ERC2: variants seen among roughly 807,000 people sequenced by gnomAD.
ERC2 encodes the protein ELKS/RAB6-interacting/CAST family member 2, also known as ERC protein 2.
ERC2 carries 42 observed loss-of-function variants against 114.8 expected under a neutral mutation model. The ratio of observed to expected loss-of-function variants is 0.37; its 90% confidence interval spans 0.29 to 0.47. ERC2 has a LOEUF of 0.47. Among genes scored for constraint, ERC2 ranks in the 20% least tolerant of loss-of-function variants. The pLI, the probability that ERC2 is intolerant of heterozygous loss-of-function variation, is 0.99. For synonymous variants in ERC2, 454 were observed against 425.5 expected (o/e 1.07, Z -0.82); for missense variants, 939 against 1,150.7 (o/e 0.82, Z 2.66).
chr3:55,527,788 A>G (rs746810603), intron 17 of ERC2, among the ~76,000 whole-genome samples: 4 of 152,120 alleles, frequency 2.6e-5, no homozygotes, highest in Admixed American at 6.5e-5. Context: ...AGAGCTAAAA[A>G]CTATAGGATG....
intron 2 of ERC2, among the ~76,000 whole-genome samples, chr3:56,409,727 A>T (rs1458504244): frequency 6.6e-6 from 1 of 152,240 alleles, no homozygotes; most frequent in Non-Finnish European, 1.5e-5. Flanking sequence ...TACAGCCCCT[A>T]GTGACCCCGT....
chr3:55,881,308 A>G (rs2063109997), intron 14 of ERC2, among the ~76,000 whole-genome samples: 1 of 152,150 alleles, frequency 6.6e-6, no homozygotes, highest in South Asian at 2.1e-4. Context: ...AATCCAGTGT[A>G]TACAAAGACT....
At chr3:55,947,253 C>T (rs2067181054) in intron 13 of ERC2, among the ~76,000 whole-genome samples, 1 of 149,472 alleles carries the variant, frequency 6.7e-6, no homozygotes, top group Admixed American at 6.7e-5. Context: ...CCTATAGCTC[C>T]CCACCACCCT....
chr3:55,546,062 G>A (rs1380171562), intron 17 of ERC2, among the ~76,000 whole-genome samples: 2 of 152,240 alleles, frequency 1.3e-5, no homozygotes, highest in Non-Finnish European at 2.9e-5. Flanking sequence ...GCATCATCCT[G>A]ACCTATGCAG....
At chr3:55,840,373 A>G (rs1296130521) in intron 14 of ERC2, among the ~76,000 whole-genome samples, 1 of 151,960 alleles carries the variant, frequency 6.6e-6, no homozygotes, top group Non-Finnish European at 1.5e-5. Context: ...CACATGAAAA[A>G]ATGTTCAAGT....
At chr3:55,661,960 A>T (rs925817137) in intron 17 of ERC2, among the ~76,000 whole-genome samples, 2 of 152,192 alleles carry the variant, frequency 1.3e-5, no homozygotes, top group African/African-American at 4.8e-5. Flanking sequence ...AATAAAGTCC[A>T]TACCATTTTA....
Position 56,136,010 on chromosome 3 carries a change from G to A in ERC2, c.1473+3499C>T, listed in dbSNP as rs868810936. On this transcript the variant is annotated intron_variant, in intron 6 of 17. Transcript: ENST00000288221. ...AATGTTATGTTAAGAGCTATGTGGT[G>A]TATCTCTCTGTGTATGTAATTATTA... Among the ~76,000 whole-genome samples, 29 of 152,304 alleles carry A rather than the reference G, an allele frequency of 1.9e-4. No individual in the cohort carries two copies. The Middle Eastern group carries it at 0.014, about 71-fold the overall frequency.
chr3:55,596,028 G>C (rs2058110147), intron 17 of ERC2, among the ~76,000 whole-genome samples: 1 of 152,190 alleles, frequency 6.6e-6, no homozygotes, highest in African/African-American at 2.4e-5. Flanking sequence ...TCCATTAAAA[G>C]CTTCTGAGTT....
At chr3:55,825,146 T>C (rs1226685895) in intron 14 of ERC2, among the ~76,000 whole-genome samples, 1 of 152,206 alleles carries the variant, frequency 6.6e-6, no homozygotes, top group African/African-American at 2.4e-5. Context: ...CTGGAATTCT[T>C]CCTTGTGTCT....
At chr3:55,718,239 C>T (rs1463349842) in intron 15 of ERC2, among the ~76,000 whole-genome samples, 2 of 152,032 alleles carry the variant, frequency 1.3e-5, no homozygotes, top group African/African-American at 4.8e-5. Flanking sequence ...AACAAGAATC[C>T]CACTGAGATA....
intron 12 of ERC2, among the ~76,000 whole-genome samples, chr3:55,960,315 G>T (rs779092099): frequency 3.9e-5 from 6 of 152,294 alleles, no homozygotes; most frequent in Non-Finnish European, 7.3e-5. Context: ...CAGGAATTCA[G>T]TCTCCTTTCA....
In ERC2 at chr3:55,699,307, G is replaced by A. The variant is rs1196198340; in HGVS notation, c.2847+71C>T. Reference sequence around the variant, plus strand: ...TTTATGATGTTTATTATTTCTTGAGGATTATTTATTTTATCTTAAAATATC... The same window carrying A: ...TTTATGATGTTTATTATTTCTTGAGAATTATTTATTTTATCTTAAAATATC... On this transcript the variant is annotated intron_variant, in intron 16 of 17. Transcript: ENST00000288221. 4 of 1,566,222 alleles carry A rather than the reference G, an allele frequency of 2.6e-6. No homozygotes were observed. In the African/African-American group the frequency reaches 5.4e-5, roughly 21 times the overall value.
intron 3 of ERC2, among the ~76,000 whole-genome samples, chr3:56,243,704 A>C (rs769816812): frequency 2.0e-5 from 3 of 152,174 alleles, no homozygotes; most frequent in Non-Finnish European, 4.4e-5. Flanking sequence ...ATTTGGGATG[A>C]GGGAAGAATA....
chr3:56,115,380 G>A (rs138754719), intron 6 of ERC2, among the ~76,000 whole-genome samples: 1 of 152,192 alleles, frequency 6.6e-6, no homozygotes, highest in East Asian at 1.9e-4. Flanking sequence ...GGTGAGACTT[G>A]GGGAGGGCTA....
chr3:56,296,059 A>G lies in ERC2; in HGVS notation c.1034T>C (p.Ile345Thr). 6.2e-7 allele frequency: 1 copy of G among 1,606,150 alleles called. No homozygotes were observed. Among genetic ancestry groups the G allele is most frequent in the Admixed American group, 1.7e-5 (1 of 59,126 alleles). ...AESQVSHLEV[I>T]LDQKEKENIH... ...GTTTTCCTTCTCTTTCTGATCTAAA[A>G]TCACTTCCAAGTGGCTGACCTGAGA... is the stretch of plus-strand genomic sequence containing the variant. Residue 345 changes from isoleucine (I) to threonine (T), a missense_variant, in exon 3 of 18, where the codon ATT becomes ACT. Transcript: ENST00000288221.
intron 14 of ERC2, among the ~76,000 whole-genome samples, chr3:55,846,946 T>C (rs932012224): frequency 6.6e-6 from 1 of 152,154 alleles, no homozygotes; most frequent in African/African-American, 2.4e-5. Context: ...CTGCCTGTTA[T>C]TTGTGGAGGT....
chr3:55,734,446 A>G (rs965453200), intron 15 of ERC2, among the ~76,000 whole-genome samples: 85 of 152,212 alleles, frequency 5.6e-4, no homozygotes, highest in African/African-American at 2.0e-3. Context: ...AATTTAAATT[A>G]TAAGTTTCTA....
At chr3:56,173,358 G>T in intron 4 of ERC2, 88 bp downstream of exon 4, 1 of 1,279,178 alleles carries the variant, frequency 7.8e-7, no homozygotes, top group South Asian at 1.2e-5. Context: ...AAAAACACAA[G>T]GTTCATTTCA....
At chr3:55,677,160 G>T (rs902000094) in intron 17 of ERC2, among the ~76,000 whole-genome samples, 1 of 152,112 alleles carries the variant, frequency 6.6e-6, no homozygotes, top group African/African-American at 2.4e-5. Context: ...AATATTCATT[G>T]GCTTTCATGT....
Sources: gnomAD v4.1 joint callset for allele counts (sites outside exome capture counted in the v4.1 genomes callset) on GRCh38, gnomAD v4.1.1 for gene constraint, MANE v1.5 for transcripts, NCBI Gene and HGNC (gene_info 2026-07-23, HGNC 2026-07-21) for gene names.